The following PPP1R12B variants were observed in gnomAD, a reference collection of about 807,000 sequenced individuals.
PPP1R12B encodes protein phosphatase 1 regulatory subunit 12B, also known as myosin phosphatase target subunit 2.
A neutral mutation model predicts 126.1 loss-of-function variants in PPP1R12B; 76 were observed. That is an observed-to-expected ratio of 0.60 (90% CI 0.50 to 0.73). The LOEUF (loss-of-function observed/expected upper bound fraction) is 0.73, where lower values mean the gene tolerates loss of function less well. Among genes scored for constraint, PPP1R12B ranks in the 30% least tolerant of loss-of-function variants. PPP1R12B has a pLI of 0.00. For missense variants in PPP1R12B, 1,052 were observed against 1,205.1 expected, an observed-to-expected ratio of 0.87 and a Z score of 1.88; for synonymous variants, 356 against 434.7, an observed-to-expected ratio of 0.82 and a Z score of 2.25.
chr1:202,435,392 A>G (rs1157409503), intron 9 of PPP1R12B, among the ~76,000 whole-genome samples: 1 of 152,216 alleles, frequency 6.6e-6, no homozygotes, highest in Non-Finnish European at 1.5e-5. Flanking sequence ...AGATGCCTAC[A>G]TGTAAAGTGT....
intron 1 of PPP1R12B, among the ~76,000 whole-genome samples, chr1:202,355,212 A>T (rs1656852879): frequency 6.6e-6 from 1 of 152,094 alleles, no homozygotes; most frequent in African/African-American, 2.4e-5. Context: ...GCCGTGTTCC[A>T]CTATATTTTT....
chr1:202,482,680 A>G (rs1013912718), intron 13 of PPP1R12B, among the ~76,000 whole-genome samples: 2 of 152,004 alleles, frequency 1.3e-5, no homozygotes, highest in Non-Finnish European at 2.9e-5. Flanking sequence ...TTTCTTTCCC[A>G]TCCTTTAGGT....
At chr1:202,564,660 C>A in intron 21 of PPP1R12B, 113 bp downstream of exon 21, 1 of 744,686 alleles carries the variant, frequency 1.3e-6, no homozygotes, top group Non-Finnish European at 2.1e-6. Flanking sequence ...CAGGCCTTCT[C>A]GGGGCAATGA....
chr1:202,393,960 G>A (rs543277012), intron 1 of PPP1R12B, among the ~76,000 whole-genome samples: 170 of 152,312 alleles, frequency 1.1e-3, no homozygotes, highest in African/African-American at 3.5e-3. Flanking sequence ...CTAACACTAT[G>A]CAAGAACATT....
At chr1:202,402,801 T>C (rs914378718) in intron 1 of PPP1R12B, among the ~76,000 whole-genome samples, 2 of 152,198 alleles carry the variant, frequency 1.3e-5, no homozygotes, top group African/African-American at 2.4e-5. Flanking sequence ...TTGTCAAAAC[T>C]TAGTGAATGT....
chr1:202,445,027 A>G lies in PPP1R12B; in HGVS notation c.1667+2455A>G, dbSNP rs539722669. 234 of 1,247,054 alleles carry G rather than the reference A, an allele frequency of 1.9e-4. No homozygotes were observed. The African/African-American group carries it at 2.6e-3, about 14-fold the overall frequency. The allele number at this position is 1,247,054 out of a possible 1,614,324, so 77.2% of individuals were successfully genotyped here. A position where few individuals can be genotyped will look rare whatever the true frequency, so the allele number is the denominator to read the frequency against. ...TGAGCAGCATGTCCTGAAGAAAGTG[A>G]CTGTGTGCTGTTTTGCAGTGCTTCA... On this transcript the variant is annotated intron_variant, in intron 12 of 23. Coordinates refer to ENST00000608999, the MANE Select transcript of PPP1R12B (RefSeq NM_002481.4).
intron 18 of PPP1R12B, among the ~76,000 whole-genome samples, chr1:202,539,669 TA>T (rs1684905643): frequency 6.6e-6 from 1 of 152,204 alleles, no homozygotes; most frequent in South Asian, 2.1e-4. Flanking sequence ...ACAGGATTTG[TA>T]TTTCTTCCCT....
In PPP1R12B at chr1:202,578,781, T is replaced by G. The variant is rs116771670; in HGVS notation, c.2863-1693T>G. Among the ~76,000 whole-genome samples the G allele has an allele frequency of 3.4e-3, 515 of 152,350 alleles. 4 individuals are homozygous for G. The highest frequency in any genetic ancestry group is 0.012 in the African/African-American group (492 of 41,578). On this transcript the variant is annotated intron_variant, in intron 23 of 23. Transcript: ENST00000608999. ...CCATACGAGAGAGTAGGACAGGGACTGTTGTTCTTACGAAAGTACAAAAAT... is the reference window on the plus strand; with the variant it reads ...CCATACGAGAGAGTAGGACAGGGACGGTTGTTCTTACGAAAGTACAAAAAT...
chr1:202,557,731 T>C (rs1339007913), intron 18 of PPP1R12B, among the ~76,000 whole-genome samples: 1 of 152,170 alleles, frequency 6.6e-6, no homozygotes, highest in Non-Finnish European at 1.5e-5. Context: ...ACATGTACAT[T>C]TTGCAAAAGT....
intron 8 of PPP1R12B, 80 bp from the exon 9 acceptor site, chr1:202,434,576 T>A: frequency 1.3e-6 from 2 of 1,517,056 alleles, no homozygotes; most frequent in Admixed American, 4.8e-5. Flanking sequence ...GCAAATCTTT[T>A]CTATTAGCAG....
intron 18 of PPP1R12B, among the ~76,000 whole-genome samples, chr1:202,522,329 T>G (rs529877783): frequency 1.9e-4 from 29 of 152,124 alleles, no homozygotes; most frequent in African/African-American, 4.1e-4. Context: ...ATTAAAGATG[T>G]AAATGTGTGC....
In PPP1R12B at chr1:202,574,909, A is replaced by T. The variant is rs1688948502; in HGVS notation, c.2863-5565A>T. The T allele has an allele frequency of 2.4e-6, 3 of 1,257,278 alleles. No homozygotes were observed. In the Admixed American group the frequency reaches 7.2e-5, roughly 30 times the overall value. The allele number at this position is 1,257,278 out of a possible 1,614,324, so 77.9% of individuals were successfully genotyped here. ...AAACTAAAAACAAAAACAAAAAGTC[A>T]TGTGATTTCTTTGTCCTACTTTTCT... On this transcript the variant is annotated intron_variant, in intron 23 of 23. Coordinates refer to ENST00000608999, the MANE Select transcript of PPP1R12B (RefSeq NM_002481.4).
At chr1:202,353,586 T>TTGTGTGTGTGTGTGTGTG (rs58683662) in intron 1 of PPP1R12B, among the ~76,000 whole-genome samples, 16 of 120,810 alleles carry the variant, frequency 1.3e-4, no homozygotes, top group South Asian at 8.5e-4. Flanking sequence ...TTCTTCTTCT[T>TTGTGTGTGTGTGTGTGTG]TGTGTGTGTG....
At chr1:202,379,124 G>T (rs1035792831) in intron 1 of PPP1R12B, among the ~76,000 whole-genome samples, 13 of 152,134 alleles carry the variant, frequency 8.5e-5, no homozygotes, top group African/African-American at 3.1e-4. Context: ...ATTTCCAGCT[G>T]CCCATTAGAC....
chr1:202,351,500 A>T (rs970199719), intron 1 of PPP1R12B, among the ~76,000 whole-genome samples: 1 of 152,096 alleles, frequency 6.6e-6, no homozygotes, highest in South Asian at 2.1e-4. Context: ...CGGCCTCCCA[A>T]AGTGCTGGGA....
At chr1:202,504,917 A>G (rs1304514688) in intron 18 of PPP1R12B, among the ~76,000 whole-genome samples, 2 of 152,224 alleles carry the variant, frequency 1.3e-5, no homozygotes, top group Non-Finnish European at 2.9e-5. Flanking sequence ...GATGATTACA[A>G]TCCATTTAAA....
chr1:202,498,174 C>T (rs911591969), intron 18 of PPP1R12B, among the ~76,000 whole-genome samples: 3 of 152,204 alleles, frequency 2.0e-5, no homozygotes, highest in African/African-American at 7.2e-5. Context: ...TGATGCAGTA[C>T]TTCCTAGGGA....
chr1:202,575,127 G>T (rs771905747), intron 23 of PPP1R12B: 1 of 1,613,688 alleles, frequency 6.2e-7, no homozygotes, highest in Non-Finnish European at 8.5e-7. Context: ...CGGACACCCA[G>T]GAGCTCTAGT....
chr1:202,528,673 A>G (rs1236118946), intron 18 of PPP1R12B, among the ~76,000 whole-genome samples: 1 of 152,094 alleles, frequency 6.6e-6, no homozygotes, highest in African/African-American at 2.4e-5. Flanking sequence ...CCCCATCCCC[A>G]TAGCTGGCTG....
Sources: gnomAD v4.1 joint callset for allele counts (sites outside exome capture counted in the v4.1 genomes callset) on GRCh38, gnomAD v4.1.1 for gene constraint, MANE v1.5 for transcripts, NCBI Gene and HGNC (gene_info 2026-07-23, HGNC 2026-07-21) for gene names.